Variants in CEP95 observed in about 807,000 individuals in gnomAD.
CEP95 encodes the protein centrosomal protein of 95 kDa.
A neutral mutation model predicts 111.2 loss-of-function variants in CEP95; 98 were observed. The observed-to-expected ratio is 0.88, with a 90% CI of 0.75 to 1.04. CEP95 has a LOEUF of 1.04. Among genes scored for constraint, CEP95 ranks in the 50% least tolerant of loss-of-function variants. CEP95 has a pLI of 0.00. For synonymous variants in CEP95, 323 were observed against 327.1 expected (o/e 0.99, Z 0.14); for missense variants, 1,027 against 977.2 (o/e 1.05, Z -0.68).
chr17:64,513,783 G>A (rs1443384975), intron 3 of CEP95, among the ~76,000 whole-genome samples: 1 of 151,838 alleles, frequency 6.6e-6, no homozygotes. Context: ...TTGTTGTTTT[G>A]ATGTTACTCT....
intron 10 of CEP95, 146 bp from the exon 11 acceptor site, chr17:64,526,959 CAAAATA>C: frequency 3.6e-6 from 2 of 551,376 alleles, no homozygotes; most frequent in South Asian, 2.2e-5. Context: ...GATCCTGTCT[CAAAATA>C]AAAGTAAATA....
chr17:64,506,957 C>T (rs1024588586), upstream of CEP95: 1 of 884,952 alleles, frequency 1.1e-6, no homozygotes. Flanking sequence ...CTTTTAACGT[C>T]CGTCCTTCTT....
rs782266733 is a variant in CEP95, at chr17:64,529,300, G to T, written c.1319G>T (p.Arg440Leu). The stretch of plus-strand genomic sequence containing the variant: ...TTCTCTGTTGCAGGACTTTCCATGC[G>T]TAGAAAGCCACCCTACAGATCCCAT... ...PKKSRPGLSM[R>L]RKPPYRSHSL... Residue 440 changes from arginine (R) to leucine (L), a missense_variant, in exon 12 of 20, where the codon CGT becomes CTT. By Grantham distance (102) the Arg-to-Leu change is moderately radical. Transcript: ENST00000556440. 12 of 1,612,324 alleles carry T rather than the reference G, an allele frequency of 7.4e-6. No individual in the cohort carries two copies. The highest frequency in any genetic ancestry group is 1.0e-5 in the Non-Finnish European group (12 of 1,179,320).
At chr17:64,526,413 T>C (rs1428905782) in intron 10 of CEP95, among the ~76,000 whole-genome samples, 6 of 152,218 alleles carry the variant, frequency 3.9e-5, no homozygotes, top group Non-Finnish European at 8.8e-5. Flanking sequence ...CCAAATTTTA[T>C]TGAATTCTGA....
chr17:64,508,332 A>G (rs2038690756), intron 1 of CEP95: 1 of 1,005,730 alleles, frequency 9.9e-7, no homozygotes, highest in South Asian at 4.6e-5. Context: ...TTAGGCTGCA[A>G]CAGTATCAAT....
intron 14 of CEP95, 111 bp downstream of exon 14, chr17:64,532,133 G>GTTT: frequency 1.7e-5 from 19 of 1,150,724 alleles, no homozygotes; most frequent in South Asian, 5.1e-5. Flanking sequence ...GCCGAAGAAA[G>GTTT]TTTTTTTTTT....
Position 64,530,956 on chromosome 17 carries a change from A to G in CEP95, c.1477A>G (p.Arg493Gly), listed in dbSNP as rs782468680. Residue 493 changes from arginine (R) to glycine (G), a missense_variant, in exon 13 of 20, where the codon AGA (arginine) becomes GGA (glycine). Coordinates refer to ENST00000556440, the MANE Select transcript of CEP95 (RefSeq NM_138363.3). Reference protein sequence around the residue: ...AFTEAFERELRRHKVQENIGP... With the variant: ...AFTEAFERELGRHKVQENIGP... ...TACTGAAGCATTTGAAAGGGAACTAAGAAGACATAAAGTTCAAGAGAATAT... is the reference window on the plus strand; with the variant it reads ...TACTGAAGCATTTGAAAGGGAACTAGGAAGACATAAAGTTCAAGAGAATAT... 2 of 1,560,560 alleles carry G rather than the reference A, an allele frequency of 1.3e-6. No individual in the cohort carries two copies. The highest frequency in any genetic ancestry group is 1.7e-6 in the Non-Finnish European group (2 of 1,151,034).
At chr17:64,511,340 T>A (rs1435696962) in intron 3 of CEP95, among the ~76,000 whole-genome samples, 9 of 152,164 alleles carry the variant, frequency 5.9e-5, no homozygotes, top group Non-Finnish European at 2.9e-5. Flanking sequence ...CCCTACAGTC[T>A]ACAGACCATA....
intron 1 of CEP95, 117 bp from the exon 2 acceptor site, chr17:64,508,475 T>G: frequency 8.4e-7 from 1 of 1,193,558 alleles, no homozygotes; most frequent in Non-Finnish European, 1.1e-6. Flanking sequence ...ATTCCTTATC[T>G]TCTGCAAAGT....
In CEP95 at chr17:64,529,293, TC is replaced by T. The variant is rs782494640; in HGVS notation, c.1314del (p.Met439CysfsTer54). Reference sequence around the variant, plus strand: ...ATGTCTTTTCTCTGTTGCAGGACTTTCCATGCGTAGAAAGCCACCCTACAGA... The same window carrying T: ...ATGTCTTTTCTCTGTTGCAGGACTTTCATGCGTAGAAAGCCACCCTACAGA... ...YGPKKSRPGL[S>X]MRRKPPYRSH... On this transcript the variant is annotated frameshift_variant, in exon 12 of 20. Transcript: ENST00000556440. LOFTEE classifies it high-confidence loss of function. 1.2e-6 allele frequency: 2 copies of T among 1,611,974 alleles called. No homozygotes were observed. Among genetic ancestry groups the T allele is most frequent in the Non-Finnish European group, 1.7e-6 (2 of 1,179,192 alleles).
chr17:64,529,653 C>G (rs782484235), intron 12 of CEP95, among the ~76,000 whole-genome samples: 2 of 152,028 alleles, frequency 1.3e-5, no homozygotes, highest in Non-Finnish European at 2.9e-5. Flanking sequence ...GCTTGGTGTT[C>G]CAGTAGATTA....
At position 64,529,374 on chromosome 17, in the gene CEP95, A is replaced by AG. The variant is rs1555679801; in HGVS notation, c.1394dup (p.Arg467LysfsTer20). 1 of 1,613,750 alleles carries AG rather than the reference A, an allele frequency of 6.2e-7. No individual in the cohort carries two copies. Among genetic ancestry groups the AG allele is most frequent in the Non-Finnish European group, 8.5e-7 (1 of 1,179,842 alleles). ...CAAACACAAACAGTTCCACTTGGAG[A>AG]GAAAAAGGCAGCGCAAGCCAAGAGA... On this transcript the variant is annotated frameshift_variant, in exon 12 of 20. Coordinates refer to ENST00000556440, the MANE Select transcript of CEP95 (RefSeq NM_138363.3). LOFTEE classifies it high-confidence loss of function.
At chr17:64,515,922 C>G (rs1270915188) in intron 4 of CEP95, 1 of 152,172 alleles carries the variant, frequency 6.6e-6, no homozygotes, top group African/African-American at 2.4e-5. Context: ...GGGTTCAGTG[C>G]TGGGTTCTTC....
chr17:64,534,995 C>T, intron 17 of CEP95: 1 of 434,634 alleles, frequency 2.3e-6, no homozygotes, highest in South Asian at 2.1e-5. Flanking sequence ...ATAACAGGTA[C>T]TTCTCCAGTA....
Position 64,533,201 on chromosome 17 carries a change from G to A in CEP95, c.1917+10G>A, listed in dbSNP as rs565686493. The stretch of plus-strand genomic sequence containing the variant: ...ACATAACAAGAGACTGGTATGTCAA[G>A]AGCAAGTTGGGTATTATAATTCTGA... On this transcript the variant is annotated intron_variant, in intron 16 of 19. Transcript: ENST00000556440. 1 of 1,573,560 alleles carries A rather than the reference G, an allele frequency of 6.4e-7. No homozygotes were observed. The highest frequency in any genetic ancestry group is 1.2e-5 in the South Asian group (1 of 84,946).
At chr17:64,507,274 T>C in intron 1 of CEP95, 158 bp downstream of exon 1, 1 of 1,481,840 alleles carries the variant, frequency 6.7e-7, no homozygotes, top group Non-Finnish European at 9.0e-7. Flanking sequence ...GTCTCTCAGC[T>C]TCACCACCTC....
chr17:64,530,719 GCTGGTCTTGAACTC>G (rs2144520816), intron 12 of CEP95, among the ~76,000 whole-genome samples, 193 bp from the exon 13 acceptor site: 1 of 152,118 alleles, frequency 6.6e-6, no homozygotes, highest in East Asian at 1.9e-4. Context: ...TGTTGGTCAG[GCTGGTCTTGAACTC>G]CTGACCTCAG....
At chr17:64,512,754 G>C (rs1317538606) in intron 3 of CEP95, among the ~76,000 whole-genome samples, 1 of 152,142 alleles carries the variant, frequency 6.6e-6, no homozygotes, top group Non-Finnish European at 1.5e-5. Context: ...TTCTAGGTGA[G>C]TGAATGGGTA....
intron 11 of CEP95, among the ~76,000 whole-genome samples, chr17:64,527,937 C>T (rs925634171): frequency 1.6e-4 from 24 of 150,656 alleles, no homozygotes; most frequent in Middle Eastern, 3.4e-3. Context: ...TCCCCTATTG[C>T]TGGACATGTT....
Sources: allele counts gnomAD v4.1 joint callset (sites outside exome capture counted in the v4.1 genomes callset), GRCh38; gene constraint gnomAD v4.1.1; transcripts MANE v1.5; gene names NCBI Gene and HGNC (gene_info 2026-07-23, HGNC 2026-07-21).